Variants in FAAH2 observed in about 807,000 individuals in gnomAD.
The protein encoded by FAAH2 is fatty-acid amide hydrolase 2.
FAAH2 carries 60 observed loss-of-function variants against 36.9 expected under a neutral mutation model. The observed-to-expected ratio is 1.63, with a 90% CI of 1.32 to 2.02. The LOEUF (loss-of-function observed/expected upper bound fraction) is 2.02, where lower values mean the gene tolerates loss of function less well. Among genes scored for constraint, FAAH2 ranks in the 30% most tolerant of loss-of-function variants. The pLI is 0.00. For missense variants in FAAH2, 689 were observed against 397.5 expected (o/e 1.73, Z -6.23); for synonymous variants, 214 against 143.8 (o/e 1.49, Z -3.49).
chrX:57,277,215 AG>A, the FAAH2 span, among the ~76,000 whole-genome samples: 6 of 111,806 alleles, frequency 5.4e-5, no homozygotes, highest in Non-Finnish European at 1.1e-4. Context: ...CACATCAAAA[AG>A]CTTATCCACC....
chrX:57,140,417 CAAAA>C, the FAAH2 span, among the ~76,000 whole-genome samples: 5 of 64,829 alleles, frequency 7.7e-5, no homozygotes, highest in African/African-American at 3.3e-4. Context: ...CCATCTCTAC[CAAAA>C]AAAAAAAAAA....
chrX:57,132,991 C>T, the FAAH2 span, among the ~76,000 whole-genome samples: 1 of 111,724 alleles, frequency 9.0e-6, no homozygotes, highest in African/African-American at 3.3e-5. Flanking sequence ...GCTGTCCCTC[C>T]ATCTGGAATG....
chrX:57,396,494 C>A (rs779053476), intron 7 of FAAH2, among the ~76,000 whole-genome samples: 1 of 107,580 alleles, frequency 9.3e-6, no homozygotes, highest in African/African-American at 3.4e-5. Flanking sequence ...CCTCTTAATA[C>A]TGCTATTGTT....
At chrX:57,303,707 A>G (rs746189657) in intron 2 of FAAH2, among the ~76,000 whole-genome samples, 2 of 111,969 alleles carry the variant, frequency 1.8e-5, no homozygotes, top group African/African-American at 6.5e-5. Flanking sequence ...TTGGATAGCC[A>G]GGTTCTTTGT....
the FAAH2 span, among the ~76,000 whole-genome samples, chrX:57,244,751 T>A: frequency 1.8e-5 from 2 of 111,448 alleles, no homozygotes; most frequent in African/African-American, 6.5e-5. Flanking sequence ...AAAAGGAACA[T>A]CTGGAACCAG....
intron 2 of FAAH2, among the ~76,000 whole-genome samples, chrX:57,305,977 G>A (rs1038042318): frequency 8.9e-6 from 1 of 112,039 alleles, no homozygotes; most frequent in African/African-American, 3.2e-5. Context: ...CCTTGGATGA[G>A]GCTCACATCC....
the FAAH2 span, among the ~76,000 whole-genome samples, chrX:57,166,749 A>G: frequency 6.7e-4 from 75 of 111,747 alleles, no homozygotes; most frequent in African/African-American, 2.3e-3. Flanking sequence ...CCTTATCATC[A>G]CCCTATCATA....
chrX:57,354,839 CT>C (rs929754787), intron 5 of FAAH2, among the ~76,000 whole-genome samples: 1 of 110,125 alleles, frequency 9.1e-6, no homozygotes, highest in Non-Finnish European at 1.9e-5. Flanking sequence ...TATATGTATG[CT>C]TTTTTAAAAA....
intron 10 of FAAH2, among the ~76,000 whole-genome samples, chrX:57,483,717 C>A (rs1036315650): frequency 9.5e-6 from 1 of 105,139 alleles, no homozygotes; most frequent in Non-Finnish European, 1.9e-5. Context: ...GAGAATGTTA[C>A]TGTGTAGTAT....
At chrX:57,217,508 A>G in the FAAH2 span, among the ~76,000 whole-genome samples, 23 of 111,677 alleles carry the variant, frequency 2.1e-4, no homozygotes, top group Non-Finnish European at 3.8e-4. Context: ...GTGGCTAGCC[A>G]ATTTTCCCAG....
At chrX:57,480,719 G>T (rs1458179576) in intron 10 of FAAH2, among the ~76,000 whole-genome samples, 1 of 110,425 alleles carries the variant, frequency 9.1e-6, no homozygotes, top group Admixed American at 9.7e-5. Flanking sequence ...GGTGTCTTGG[G>T]GTTGCTCTTC....
intron 7 of FAAH2, among the ~76,000 whole-genome samples, chrX:57,418,296 T>C (rs2055900167): frequency 8.9e-6 from 1 of 111,747 alleles, no homozygotes; most frequent in African/African-American, 3.2e-5. Context: ...CTCCTGCAGC[T>C]AGCTCAGTGT....
chrX:57,418,685 C>T (rs992329613), intron 7 of FAAH2, among the ~76,000 whole-genome samples: 2 of 91,714 alleles, frequency 2.2e-5, no homozygotes, highest in Non-Finnish European at 4.4e-5. Context: ...GACCATCTTG[C>T]CTGCACCCTT....
At chrX:57,318,618 C>T (rs1048765470) in intron 3 of FAAH2, among the ~76,000 whole-genome samples, 3 of 111,980 alleles carry the variant, frequency 2.7e-5, no homozygotes, top group South Asian at 7.4e-4. Flanking sequence ...AACATTTCTT[C>T]TGAAACTATT....
intron 7 of FAAH2, among the ~76,000 whole-genome samples, chrX:57,422,657 C>T (rs1198698789): frequency 9.0e-6 from 1 of 111,709 alleles, no homozygotes; most frequent in African/African-American, 3.3e-5. Context: ...TCCATTGTTC[C>T]TTCTCTTCTG....
chrX:57,201,641 G>C, the FAAH2 span, among the ~76,000 whole-genome samples: 3 of 111,060 alleles, frequency 2.7e-5, no homozygotes, highest in Non-Finnish European at 5.7e-5. Context: ...GTTTTGTTCT[G>C]TTATCCATTT....
intron 8 of FAAH2, among the ~76,000 whole-genome samples, chrX:57,435,199 A>G: frequency 8.9e-6 from 1 of 111,836 alleles, no homozygotes; most frequent in African/African-American, 3.2e-5. Context: ...CAATGATATT[A>G]TAAAACAATC....
intron 10 of FAAH2, among the ~76,000 whole-genome samples, chrX:57,485,832 G>A (rs1425873703): frequency 1.8e-5 from 2 of 111,451 alleles, no homozygotes; most frequent in Admixed American, 9.5e-5. Flanking sequence ...TATGTGTTTG[G>A]GTACATGGCC....
chrX:57,150,602 C>A, the FAAH2 span, among the ~76,000 whole-genome samples: 2 of 111,047 alleles, frequency 1.8e-5, no homozygotes, highest in Admixed American at 1.9e-4. Context: ...TTTTTGTTTT[C>A]CATTTGCTTG....
Sources: allele counts gnomAD v4.1 joint callset (sites outside exome capture counted in the v4.1 genomes callset), GRCh38; gene constraint gnomAD v4.1.1; transcripts MANE v1.5; gene names NCBI Gene and HGNC (gene_info 2026-07-23, HGNC 2026-07-21).